Variants in MORC2 observed in about 807,000 individuals in gnomAD.
MORC2 encodes the protein MORC family CW-type zinc finger 2.
MORC2 carries 30 observed loss-of-function variants against 136.0 expected under a neutral mutation model. The ratio of observed to expected loss-of-function variants is 0.22; its 90% confidence interval spans 0.17 to 0.30. MORC2 has a LOEUF of 0.30. Among genes scored for constraint, MORC2 ranks in the 10% least tolerant of loss-of-function variants. The pLI is 1.00. For missense variants in MORC2, 922 were observed against 1,333.1 expected, an observed-to-expected ratio of 0.69 and a Z score of 4.80; for synonymous variants, 439 against 487.0, an observed-to-expected ratio of 0.90 and a Z score of 1.30.
intron 1 of MORC2, chr22:30,967,613 A>C: frequency 7.3e-7 from 1 of 1,364,404 alleles, no homozygotes; most frequent in Non-Finnish European, 9.4e-7. Flanking sequence ...TTGATCCAAT[A>C]AACAAAAATC....
intron 12 of MORC2, 105 bp downstream of exon 12, chr22:30,939,516 T>C: frequency 9.2e-7 from 1 of 1,089,240 alleles, no homozygotes; most frequent in Non-Finnish European, 1.3e-6. Flanking sequence ...TGACAAGCAT[T>C]TGGCATTAAA....
Position 30,934,047 on chromosome 22 carries a change from C to T in MORC2, c.2325+13G>A. The T allele has an allele frequency of 6.2e-7, 1 of 1,613,984 alleles. No individual in the cohort carries two copies. The highest frequency in any genetic ancestry group is 8.5e-7 in the Non-Finnish European group (1 of 1,179,944). ...GAGAGAGAGGCTTTGAGAACCTCAC[C>T]TCAACCACTCACCTCATTCGAGTCC... On this transcript the variant is annotated intron_variant, in intron 20 of 25. Coordinates refer to ENST00000397641, the MANE Select transcript of MORC2 (RefSeq NM_001303256.3). The surrounding 1 kb of genome is among the most constrained non-coding windows in gnomAD (Gnocchi z 4.4).
intron 5 of MORC2, 122 bp downstream of exon 5, chr22:30,949,630 C>T: frequency 1.2e-6 from 1 of 834,038 alleles, no homozygotes; most frequent in South Asian, 1.6e-5. Flanking sequence ...TTTCTGACTT[C>T]TTCCAGTTCC....
rs2147339517 is a variant in MORC2 at position 30,968,230 on chromosome 22, T to G, written c.-341A>C. On this transcript the variant is annotated 5_prime_UTR_variant, in exon 1 of 26. Transcript: ENST00000397641. ...GGATGGTCCTGAAGGAGATGGTCCT[T>G]GAGTGGGTGGTTTATGACTGCTCCA... The G allele has an allele frequency of 4.9e-6, 1 of 203,772 alleles. No individual in the cohort carries two copies. Among genetic ancestry groups the G allele is most frequent in the South Asian group, 7.6e-5 (1 of 13,160 alleles). 12.6% of individuals were successfully genotyped at this position (203,772 alleles called of 1,614,324 possible). A position where few individuals can be genotyped will look rare whatever the true frequency, so the allele number is the denominator to read the frequency against.
intron 3 of MORC2, among the ~76,000 whole-genome samples, chr22:30,950,857 T>C (rs1162187309): frequency 6.6e-6 from 1 of 152,210 alleles, no homozygotes; most frequent in Non-Finnish European, 1.5e-5. Flanking sequence ...TTATCAATAC[T>C]GCTCAAACTC....
intron 1 of MORC2, among the ~76,000 whole-genome samples, chr22:30,960,777 C>A (rs1048872826): frequency 6.8e-6 from 1 of 146,266 alleles, no homozygotes; most frequent in Non-Finnish European, 1.5e-5. Context: ...AGCCATAAGC[C>A]GCCACACCCG....
At chr22:30,946,290 C>T in intron 6 of MORC2, 51 bp downstream of exon 6, 1 of 1,471,254 alleles carries the variant, frequency 6.8e-7, no homozygotes, top group Non-Finnish European at 9.4e-7. Context: ...ACCGCCTGGG[C>T]AGACTCAGGA....
intron 1 of MORC2, among the ~76,000 whole-genome samples, chr22:30,965,301 A>T (rs2041110944): frequency 6.6e-6 from 1 of 152,234 alleles, no homozygotes; most frequent in South Asian, 2.1e-4. Context: ...GAAGAGAGAC[A>T]AATCTTCCCT....
Position 30,939,666 on chromosome 22 carries a change from C to A in MORC2, c.1028G>T (p.Arg343Leu), listed in dbSNP as rs753651729. 2.5e-6 allele frequency: 4 copies of A among 1,613,996 alleles called. No homozygotes were observed. The highest frequency in any genetic ancestry group is 3.4e-6 in the Non-Finnish European group (4 of 1,180,040). ...CCTCTTCTTGACATCGGCTTCTCTG[C>A]GCAGAGTGATGGCTCTGTTCTGGAC... ...RQVQNRAITL[R>L]READVKKRIK... The change falls in exon 12 of 26, where the codon CGC (arginine) becomes CTC (leucine). Residue 343 changes from arginine (R) to leucine (L), a missense_variant. By Grantham distance (102) the Arg-to-Leu change is moderately radical (BLOSUM62 -2). Around this residue, in one of 9 missense-constraint regions of MORC2, gnomAD observed 261 missense variants for 354.3 expected, o/e 0.74. Transcript: ENST00000397641.
In MORC2 at chr22:30,941,776, T is replaced by C; in HGVS notation, c.698+115A>G. On this transcript the variant is annotated intron_variant, in intron 8 of 25. Transcript: ENST00000397641. The surrounding 1 kb of genome is among the most constrained non-coding windows in gnomAD (Gnocchi z 4.6). ...AGGCAACTGAGCTGGCCCTACATAC[T>C]ACCCTACCACAGAACACTGGGCAAT... The C allele has an allele frequency of 1.7e-6, 2 of 1,156,496 alleles. No homozygotes were observed. The highest frequency in any genetic ancestry group is 2.5e-6 in the Non-Finnish European group (2 of 795,490). The allele number at this position is 1,156,496 out of a possible 1,614,324, so 71.6% of individuals were successfully genotyped here.
intron 10 of MORC2, among the ~76,000 whole-genome samples, chr22:30,940,293 TAAA>T (rs779153213): frequency 2.3e-5 from 3 of 130,332 alleles, no homozygotes; most frequent in Non-Finnish European, 1.7e-5. Flanking sequence ...AGAACAGGTT[TAAA>T]AAAAAAAAAA....
rs2240175 is a variant in MORC2 at position 30,925,860 on chromosome 22, C to A, written c.*943G>T. ...CCCTGTGGCCACGGGATCTCACTGG[C>A]CCCCTCTTCAGGCACCTTGATGGGG... On this transcript the variant is annotated 3_prime_UTR_variant, in exon 26 of 26. Transcript: ENST00000397641. 58,782 of 153,158 alleles carry A rather than the reference C, an allele frequency of 0.38. 12,141 individuals are homozygous for A. The highest frequency in any genetic ancestry group is 0.65 in the East Asian group (3,372 of 5,158). The allele number at this position is 153,158 out of a possible 1,614,324, so 9.5% of individuals were successfully genotyped here. A position where few individuals can be genotyped will look rare whatever the true frequency, so the allele number is the denominator to read the frequency against.
intron 1 of MORC2, chr22:30,958,945 T>A (rs187236080): frequency 2.8e-4 from 114 of 412,662 alleles, no homozygotes; most frequent in Middle Eastern, 6.8e-4. Flanking sequence ...CCCTGAAGCA[T>A]TGAAAGAGTC....
chr22:30,964,509 A>G (rs2041095782), intron 1 of MORC2, among the ~76,000 whole-genome samples: 1 of 152,238 alleles, frequency 6.6e-6, no homozygotes, highest in African/African-American at 2.4e-5. Context: ...AAACAAAGTG[A>G]CTTAATATAC....
In MORC2 at chr22:30,950,384, C is replaced by T; in HGVS notation, c.219G>A (p.Met73Ile). ...MLCFLDDGAG[M>I]DPSDAASVIQ... ...AATAATCTCATCACTTACTTGGATC[C>T]ATTCCTGCTCCATCATCCAAAAAGC... Residue 73 changes from methionine to isoleucine, a missense_variant, in exon 4 of 26, where the codon ATG (methionine) becomes ATA (isoleucine). Transcript: ENST00000397641. 1.4e-6 allele frequency: 2 copies of T among 1,433,584 alleles called. No homozygotes were observed. Among genetic ancestry groups the T allele is most frequent in the Non-Finnish European group, 1.9e-6 (2 of 1,055,362 alleles). 88.8% of individuals were successfully genotyped at this position (1,433,584 alleles called of 1,614,324 possible). A position where few individuals can be genotyped will look rare whatever the true frequency, so the allele number is the denominator to read the frequency against.
At chr22:30,958,281 G>A (rs1397397725) in intron 2 of MORC2, among the ~76,000 whole-genome samples, 6 of 152,194 alleles carry the variant, frequency 3.9e-5, no homozygotes, top group Admixed American at 3.9e-4. Context: ...TATCCTGCTA[G>A]CACAAATTAA....
intron 3 of MORC2, among the ~76,000 whole-genome samples, chr22:30,953,081 C>T (rs1488014888): frequency 1.3e-5 from 2 of 152,180 alleles, no homozygotes; most frequent in African/African-American, 4.8e-5. Context: ...TTGAGAAGCA[C>T]TAAACTAGAG....
In MORC2 at chr22:30,937,289, T is replaced by C. The variant is rs1016272793; in HGVS notation, c.1499-252A>G. Among the ~76,000 whole-genome samples the C allele has an allele frequency of 6.6e-6, 1 of 152,144 alleles. No individual in the cohort carries two copies. Among genetic ancestry groups the C allele is most frequent in the Non-Finnish European group, 1.5e-5 (1 of 68,030 alleles). On this transcript the variant is annotated intron_variant, in intron 15 of 25. Transcript: ENST00000397641. The surrounding 1 kb of genome is among the most constrained non-coding windows in gnomAD (Gnocchi z 4.7). ...CTCCCTTTTTTATCAAGATCCTGGC[T>C]CAGTCATCCACGCACACCAGAAACC...
Position 30,932,295 on chromosome 22 carries a change from A to C in MORC2, c.2841+64T>G. ...TAACAATCATAATCACAACAGTTAC[A>C]ACAAATGCAGGGGCAGGGGTGGGGG... On this transcript the variant is annotated intron_variant, in intron 24 of 25. Coordinates refer to ENST00000397641, the MANE Select transcript of MORC2 (RefSeq NM_001303256.3). This position sits in a 1 kb window ranked among gnomAD's most constrained non-coding sequence, Gnocchi z 4.4. 5 of 1,361,440 alleles carry C rather than the reference A, an allele frequency of 3.7e-6. No individual in the cohort carries two copies. The South Asian group carries it at 5.1e-5, about 14-fold the overall frequency. 84.3% of individuals were successfully genotyped at this position (1,361,440 alleles called of 1,614,324 possible).
Sources: gnomAD v4.1 joint callset for allele counts (sites outside exome capture counted in the v4.1 genomes callset) on GRCh38, gnomAD v4.1.1 for gene constraint, gnomAD v4.1.1 regional missense constraint, Gnocchi (gnomAD v3.1) non-coding constraint, MANE v1.5 for transcripts, NCBI Gene and HGNC (gene_info 2026-07-23, HGNC 2026-07-21) for gene names.